ERBIN: variants seen among roughly 807,000 people sequenced by gnomAD.
ERBIN encodes erbb2 interacting protein.
In ERBIN, 60 loss-of-function variants were observed where a neutral mutation model predicts 158.4. The ratio of observed to expected loss-of-function variants is 0.38; its 90% CI spans 0.31 to 0.47. ERBIN has a LOEUF of 0.47. Among genes scored for constraint, ERBIN ranks in the 20% least tolerant of loss-of-function variants. ERBIN has a pLI of 0.99. For synonymous variants in ERBIN, 594 were observed against 557.2 expected (o/e 1.07, Z -0.93); for missense variants, 1,610 against 1,648.0 (o/e 0.98, Z 0.40).
intron 4 of ERBIN, among the ~76,000 whole-genome samples, chr5:66,000,711 A>G (rs1370850543): frequency 6.6e-6 from 1 of 152,080 alleles, no homozygotes. Context: ...AACTTGCAGA[A>G]TTGGTTTTTT....
At chr5:65,942,623 G>C (rs539633847) in intron 1 of ERBIN, among the ~76,000 whole-genome samples, 67 of 152,286 alleles carry the variant, frequency 4.4e-4, no homozygotes, top group Middle Eastern at 3.4e-3. Flanking sequence ...ATGATCTCAA[G>C]TTTTAAAAAA....
chr5:66,015,793 T>C (rs936769813), intron 7 of ERBIN, among the ~76,000 whole-genome samples: 2 of 152,150 alleles, frequency 1.3e-5, no homozygotes, highest in African/African-American at 4.8e-5. Flanking sequence ...GCAATGATTG[T>C]ACCACTGCAT....
chr5:66,004,937 T>C (rs1459123741), intron 4 of ERBIN, among the ~76,000 whole-genome samples: 1 of 151,398 alleles, frequency 6.6e-6, no homozygotes, highest in Non-Finnish European at 1.5e-5. Flanking sequence ...GCCAGGGAGG[T>C]GGGGATTTAC....
chr5:66,027,946 T>C (rs1030697937), intron 13 of ERBIN, among the ~76,000 whole-genome samples: 1 of 152,108 alleles, frequency 6.6e-6, no homozygotes, highest in Admixed American at 6.5e-5. Context: ...AAAGCAATGT[T>C]ATGAGACATT....
At chr5:66,051,106 T>C in intron 20 of ERBIN, 140 bp downstream of exon 20, 1 of 539,106 alleles carries the variant, frequency 1.9e-6, no homozygotes. Context: ...CCATTTTTAT[T>C]GCTGATTTTC....
At chr5:66,058,198 T>C (rs571992083) in intron 21 of ERBIN, among the ~76,000 whole-genome samples, 1 of 151,748 alleles carries the variant, frequency 6.6e-6, no homozygotes, top group African/African-American at 2.4e-5. Flanking sequence ...CAGCACCTGT[T>C]GTTTCCTGAC....
At chr5:65,970,611 G>A (rs796866835) in intron 1 of ERBIN, among the ~76,000 whole-genome samples, 31 of 152,084 alleles carry the variant, frequency 2.0e-4, no homozygotes, top group African/African-American at 6.5e-4. Flanking sequence ...TTTTTAAGAC[G>A]TGCTCTTGCT....
chr5:65,980,719 C>CG (rs1270243056), intron 1 of ERBIN, among the ~76,000 whole-genome samples: 1 of 150,128 alleles, frequency 6.7e-6, no homozygotes, highest in South Asian at 2.1e-4. Flanking sequence ...GGATTACTAG[C>CG]GGGAAAAAAA....
intron 3 of ERBIN, among the ~76,000 whole-genome samples, chr5:65,993,847 C>T (rs1300029230): frequency 2.0e-5 from 3 of 152,008 alleles, no homozygotes; most frequent in African/African-American, 7.3e-5. Flanking sequence ...TATACTTGTA[C>T]TAAAAAATTA....
intron 7 of ERBIN, among the ~76,000 whole-genome samples, chr5:66,020,300 A>G (rs561460537): frequency 1.1e-4 from 16 of 152,038 alleles, no homozygotes; most frequent in Non-Finnish European, 2.4e-4. Context: ...AAATGTTGCA[A>G]CTGAGTTTTA....
Position 66,082,461 on chromosome 5 carries a change from A to G in ERBIN, c.*3931A>G, listed in dbSNP as rs1762424500. On this transcript the variant is annotated 3_prime_UTR_variant, in exon 26 of 26. Coordinates refer to ENST00000284037, the MANE Select transcript of ERBIN (RefSeq NM_001253697.2). ...ATTTCAGGATAAAATTTGAGAAACT[A>G]GTATCACTGGGGAAGGAAGAAACCT... The G allele has an allele frequency of 6.6e-6, 1 of 152,236 alleles. No individual in the cohort carries two copies. Among genetic ancestry groups the G allele is most frequent in the African/African-American group, 2.4e-5 (1 of 41,466 alleles). The allele number at this position is 152,236 out of a possible 1,614,324, so 9.4% of individuals were successfully genotyped here. A position where few individuals can be genotyped will look rare whatever the true frequency, so the allele number is the denominator to read the frequency against.
In ERBIN at chr5:65,934,126, G is replaced by T. The variant is rs561606829; in HGVS notation, c.-58+7320G>T. Among the ~76,000 whole-genome samples, 23 of 152,290 alleles carry T rather than the reference G, an allele frequency of 1.5e-4. No individual in the cohort carries two copies. In the East Asian group the frequency reaches 4.1e-3, roughly 27 times the overall value. The stretch of plus-strand genomic sequence containing the variant: ...TTAGCCAGGGTGGTCTTGATCTCCT[G>T]ATGTCATGATTTGCCTGCCTTGGCC... On this transcript the variant is annotated intron_variant, in intron 1 of 25. Coordinates refer to ENST00000284037, the MANE Select transcript of ERBIN (RefSeq NM_001253697.2).
At position 66,057,593 on chromosome 5, in the gene ERBIN, C is replaced by T. The variant is rs538585570; in HGVS notation, c.3633+2642C>T. 5.3e-5 allele frequency among the ~76,000 whole-genome samples: 8 copies of T among 152,056 alleles called. No homozygotes were observed. In the South Asian group the frequency reaches 1.7e-3, roughly 32 times the overall value. On this transcript the variant is annotated intron_variant, in intron 21 of 25. Coordinates refer to ENST00000284037, the MANE Select transcript of ERBIN (RefSeq NM_001253697.2). ...TACTTTAAGTTTTAGGATACATGTG[C>T]ACAACGTGCAGGTTTGTTTCATATG...
At chr5:65,990,029 CT>C (rs1751692132) in intron 2 of ERBIN, among the ~76,000 whole-genome samples, 1 of 152,064 alleles carries the variant, frequency 6.6e-6, no homozygotes, top group Non-Finnish European at 1.5e-5. Context: ...TAAAATATGC[CT>C]TAATATAAAC....
intron 22 of ERBIN, among the ~76,000 whole-genome samples, chr5:66,074,072 T>A (rs564428649): frequency 3.0e-4 from 42 of 139,480 alleles, no homozygotes; most frequent in Admixed American, 1.6e-3. Context: ...TTTTTTTTTT[T>A]AGAGATGGGG....
intron 23 of ERBIN, 200 bp from the exon 24 acceptor site, chr5:66,076,116 C>G (rs779426537): frequency 1.5e-5 from 8 of 539,816 alleles, no homozygotes; most frequent in Non-Finnish European, 2.6e-5. Context: ...TTATATAATC[C>G]CAGCTCTGCC....
Position 66,080,824 on chromosome 5 carries a change from A to C in ERBIN, c.*2294A>C, listed in dbSNP as rs995412587. The stretch of plus-strand genomic sequence containing the variant: ...CAGATGTTATATGCACTGGCATTTT[A>C]TCCTACTCTAGTTAGTTAAAATTTT... On this transcript the variant is annotated 3_prime_UTR_variant, in exon 26 of 26. Transcript: ENST00000284037. The C allele has an allele frequency of 6.6e-6, 1 of 152,062 alleles. No homozygotes were observed. Among genetic ancestry groups the C allele is most frequent in the Non-Finnish European group, 1.5e-5 (1 of 67,898 alleles). The allele number at this position is 152,062 out of a possible 1,614,324, so 9.4% of individuals were successfully genotyped here.
intron 1 of ERBIN, among the ~76,000 whole-genome samples, chr5:65,947,676 C>T (rs867305558): frequency 1.3e-5 from 2 of 152,054 alleles, no homozygotes; most frequent in African/African-American, 4.8e-5. Flanking sequence ...AAATATGTCA[C>T]GAATTCTCCA....
chr5:66,036,946 TTTG>T (rs1273906377), intron 14 of ERBIN, among the ~76,000 whole-genome samples: 2 of 152,202 alleles, frequency 1.3e-5, no homozygotes, highest in Admixed American at 1.3e-4. Context: ...TTATTACATC[TTTG>T]TTGACATGTA....
Sources: allele counts gnomAD v4.1 joint callset (sites outside exome capture counted in the v4.1 genomes callset), GRCh38; gene constraint gnomAD v4.1.1; transcripts MANE v1.5; gene names NCBI Gene and HGNC (gene_info 2026-07-23, HGNC 2026-07-21).